MUC4: variants seen among roughly 807,000 people sequenced by gnomAD.
MUC4 encodes mucin-4.
MUC4 carries 202 observed loss-of-function variants against 257.9 expected under a neutral mutation model. That is an observed-to-expected ratio of 0.78 (90% CI 0.70 to 0.88). The LOEUF is 0.88. MUC4 is among the 40% of genes least tolerant of loss of function. The probability of loss-of-function intolerance (pLI) is 0.00; values close to 1 mark genes in which losing one functional copy is unlikely to be tolerated. For synonymous variants in MUC4, 2,351 were observed against 2,757.1 expected (o/e 0.85, Z 4.62); for missense variants, 5,976 against 6,513.7 (o/e 0.92, Z 2.84).
Position 195,774,247 on chromosome 3 carries a change from G to T in MUC4, c.13002C>A (p.Thr4334=), listed in dbSNP as rs150632976. The T allele has an allele frequency of 6.2e-7, 1 of 1,602,652 alleles. No individual in the cohort carries two copies. Among genetic ancestry groups the T allele is most frequent in the Non-Finnish European group, 8.5e-7 (1 of 1,175,364 alleles). The stretch of plus-strand genomic sequence containing the variant: ...TGAAGAGTGGGGAGGTGAAGTCCAC[G>T]GTCCTCCTGACGAACTCCAGGTCCC... ...GAGDLEFVRR[T]VDFTSPLFKP... is the part of the protein sequence containing the mutation. The change falls in exon 4 of 25, where the codon ACC becomes ACA. Residue 4334 remains threonine (T), a synonymous_variant. Transcript: ENST00000463781.
At chr3:195,751,320 G>A (rs2148754536) in intron 21 of MUC4, 49 bp from the exon 22 acceptor site, 5 of 1,400,638 alleles carry the variant, frequency 3.6e-6, no homozygotes, top group Non-Finnish European at 4.0e-6. Flanking sequence ...CCCATCCGGG[G>A]GGGAGACGCC....
At position 195,780,403 on chromosome 3, in the gene MUC4, A is replaced by G. The variant is rs772364446; in HGVS notation, c.11177T>C (p.Val3726Ala). ...TSTSSVSTGHVTPLHVTSPSS... is the reference protein window; with the variant it reads ...TSTSSVSTGHATPLHVTSPSS... ...AGGGCTGGTGACATGAAGAGGGGTG[A>G]CGTGACCTGTAGATACTGAGGAAGT... is the stretch of plus-strand genomic sequence containing the variant. Residue 3726 changes from valine to alanine, a missense_variant, in exon 2 of 25, where the codon GTC becomes GCC. By Grantham distance (64) the Val-to-Ala change is moderately conservative. Coordinates refer to ENST00000463781, the MANE Select transcript of MUC4 (RefSeq NM_018406.7). 4.0e-4 allele frequency: 561 copies of G among 1,408,456 alleles called. 16 individuals are homozygous for G. In the East Asian group the frequency reaches 5.9e-3, roughly 15 times the overall value. 87.2% of individuals were successfully genotyped at this position (1,408,456 alleles called of 1,614,324 possible). A position where few individuals can be genotyped will look rare whatever the true frequency, so the allele number is the denominator to read the frequency against.
intron 24 of MUC4, 61 bp from the exon 25 acceptor site, chr3:195,747,441 C>T (rs1379875975): frequency 2.8e-5 from 44 of 1,548,178 alleles, no homozygotes; most frequent in Admixed American, 2.1e-4. Flanking sequence ...CCAGCCCCTC[C>T]TCTTCTGCTG....
At chr3:195,765,194 GT>G in intron 9 of MUC4, 72 bp from the exon 10 acceptor site, 1 of 1,584,174 alleles carries the variant, frequency 6.3e-7, no homozygotes, top group Non-Finnish European at 8.6e-7. Context: ...AGCAGGGGCT[GT>G]TTCTGGGGAG....
chr3:195,778,863 G>C lies in MUC4; in HGVS notation c.12717C>G (p.Thr4239=), dbSNP rs772743828. 3.1e-6 allele frequency: 5 copies of C among 1,609,812 alleles called. No homozygotes were observed. The highest frequency in any genetic ancestry group is 4.2e-6 in the Non-Finnish European group (5 of 1,178,346). Residue 4239 remains threonine, a synonymous_variant, in exon 2 of 25, where the codon ACC becomes ACG. Transcript: ENST00000463781. ...SLSSVSTGHA[T]PLAVSSATSA... is the part of the protein sequence containing the mutation. ...AGGTAGCACTGCTGACAGCAAGAGG[G>C]GTGGCGTGACCTGTGGATACTGAGG...
At position 195,786,400 on chromosome 3, in the gene MUC4, G is replaced by C. The variant is rs539596895; in HGVS notation, c.5180C>G (p.Thr1727Arg). The C allele has an allele frequency of 1.3e-6, 2 of 1,532,722 alleles. No individual in the cohort carries two copies. Among genetic ancestry groups the C allele is most frequent in the Non-Finnish European group, 1.8e-6 (2 of 1,135,932 alleles). The allele number at this position is 1,532,722 out of a possible 1,614,324, so 94.9% of individuals were successfully genotyped here. Residue 1727 changes from threonine to arginine, a missense_variant, in exon 2 of 25, where the codon ACG becomes AGG. Around this residue, in one of 44 missense-constraint regions of MUC4, gnomAD observed 138 missense variants for 107.8 expected, o/e 1.28. Transcript: ENST00000463781. ...GGAAGGGCTAGTGACAGGAAGAGGCGTGGTGTCACCTGTGGATACTGAGGA... is the reference window on the plus strand; with the variant it reads ...GGAAGGGCTAGTGACAGGAAGAGGCCTGGTGTCACCTGTGGATACTGAGGA... The part of the protein sequence containing the change: ...SLSSVSTGDT[T>R]PLPVTSPSSA...
rs1025164937 is a variant in MUC4 at position 195,789,380 on chromosome 3, T to G, written c.2200A>C (p.Lys734Gln). 5 of 1,613,882 alleles carry G rather than the reference T, an allele frequency of 3.1e-6. No individual in the cohort carries two copies. The highest frequency in any genetic ancestry group is 4.2e-6 in the Non-Finnish European group (5 of 1,179,876). Reference protein sequence around the residue: ...LGPSGGTSLSKTGALTLANSV... With the variant: ...LGPSGGTSLSQTGALTLANSV... ...TTGGCCAGAGTAAGGGCACCTGTTTTGGAAAGTGACGTGCCTCCTGAGGGC... is the reference window on the plus strand; with the variant it reads ...TTGGCCAGAGTAAGGGCACCTGTTTGGGAAAGTGACGTGCCTCCTGAGGGC... Residue 734 changes from lysine (K) to glutamine (Q), a missense_variant, in exon 2 of 25, where the codon AAA becomes CAA. Lys to Gln is a moderately conservative substitution (Grantham distance 53). Coordinates refer to ENST00000463781, the MANE Select transcript of MUC4 (RefSeq NM_018406.7).
rs113184155 is a variant in MUC4 at position 195,759,712 on chromosome 3, G to C, written c.14849-451C>G. ...AGGCCGGTGGATAACCTGAGGTCAG[G>C]AGTTCGCGACCAGCCTGACCAACAT... On this transcript the variant is annotated intron_variant, in intron 16 of 24. Coordinates refer to ENST00000463781, the MANE Select transcript of MUC4 (RefSeq NM_018406.7). Among the ~76,000 whole-genome samples the C allele has an allele frequency of 9.3e-3, 1,413 of 152,264 alleles. 32 individuals are homozygous for C. The highest frequency in any genetic ancestry group is 0.033 in the African/African-American group (1,357 of 41,538).
Position 195,757,344 on chromosome 3 carries a change from T to A in MUC4, c.14987-16A>T, listed in dbSNP as rs1226578462. On this transcript the variant is annotated splice_polypyrimidine_tract_variant and intron_variant, in intron 17 of 24. Transcript: ENST00000463781. This position sits in a 1 kb window ranked among gnomAD's most constrained non-coding sequence, Gnocchi z 4.8. ...GTCCCATTCTCTGCCCCGGGGAAGA[T>A]GAGAATGTTGAGAGCTGGGAGACTC... 4 of 1,579,648 alleles carry A rather than the reference T, an allele frequency of 2.5e-6. No individual in the cohort carries two copies. Among genetic ancestry groups the A allele is most frequent in the East Asian group, 2.3e-5 (1 of 44,062 alleles).
Position 195,755,258 on chromosome 3 carries a change from C to T in MUC4, c.15169-886G>A, listed in dbSNP as rs906253586. On this transcript the variant is annotated intron_variant, in intron 18 of 24. Coordinates refer to ENST00000463781, the MANE Select transcript of MUC4 (RefSeq NM_018406.7). This position sits in a 1 kb window ranked among gnomAD's most constrained non-coding sequence, Gnocchi z 5.0. ...TTTCCCACGCTGCAGTGCAGTGTCT[C>T]GATCTCGGCTCACTGCAATGTCCCC... Among the ~76,000 whole-genome samples, 1 of 151,422 alleles carries T rather than the reference C, an allele frequency of 6.6e-6. No homozygotes were observed. Among genetic ancestry groups the T allele is most frequent in the African/African-American group, 2.4e-5 (1 of 41,090 alleles).
intron 3 of MUC4, 147 bp from the exon 4 acceptor site, chr3:195,774,452 T>C: frequency 2.2e-6 from 2 of 913,302 alleles, no homozygotes; most frequent in Non-Finnish European, 3.0e-6. Flanking sequence ...AGGGTGCTTC[T>C]CGCTCCCTCT....
chr3:195,770,392 A>C, intron 5 of MUC4, 21 bp from the exon 6 acceptor site: 1 of 1,612,832 alleles, frequency 6.2e-7, no homozygotes, highest in South Asian at 1.1e-5. Flanking sequence ...AGGGCAGATG[A>C]AAACAAGCCA....
rs2149037800 is a variant in MUC4 at position 195,789,441 on chromosome 3, C to T, written c.2139G>A (p.Leu713=). ...CATCATGGCTGCTGGGTGCTGCCTG[C>T]AGTGCTGTGGTCGGGGCCTGGGTTG... ...GHTTQAPTTA[L]QAAPSSHDAT... is the part of the protein sequence containing the mutation. Residue 713 remains leucine, a synonymous_variant, in exon 2 of 25, where the codon CTG becomes CTA. Transcript: ENST00000463781. 1 of 1,613,936 alleles carries T rather than the reference C, an allele frequency of 6.2e-7. No homozygotes were observed. The highest frequency in any genetic ancestry group is 2.2e-5 in the East Asian group (1 of 44,874).
chr3:195,789,715 T>G lies in MUC4; in HGVS notation c.1865A>C (p.His622Pro), dbSNP rs1414365804. The change falls in exon 2 of 25, where the codon CAT becomes CCT. Residue 622 changes from histidine (H) to proline (P), a missense_variant. His to Pro is a moderately conservative substitution (Grantham distance 77). Transcript: ENST00000463781. ...TTCCTGAGGAGAGGTGCTTGTGGAA[T>G]GTATTGTTGAATGATTTGTTGATGG... is the stretch of plus-strand genomic sequence containing the variant. Reference protein sequence around the residue: ...TAPSTNHSTIHSTSTSPQESP... With the variant: ...TAPSTNHSTIPSTSTSPQESP... 1 of 1,613,954 alleles carries G rather than the reference T, an allele frequency of 6.2e-7. No individual in the cohort carries two copies. The highest frequency in any genetic ancestry group is 1.1e-5 in the South Asian group (1 of 91,074).
Position 195,790,693 on chromosome 3 carries a change from G to C in MUC4, c.887C>G (p.Ala296Gly), listed in dbSNP as rs774781105. The change falls in exon 2 of 25, where the codon GCC becomes GGC. Residue 296 changes from alanine to glycine, a missense_variant. Physicochemically the swap from Ala to Gly is moderately conservative, Grantham distance 60. Coordinates refer to ENST00000463781, the MANE Select transcript of MUC4 (RefSeq NM_018406.7). Reference protein sequence around the residue: ...TGSLMPVTSAALVTFDPEGQS... With the variant: ...TGSLMPVTSAGLVTFDPEGQS... ...TCCTTCTGGATCAAATGTTACTAAG[G>C]CTGCTGAGGTGACTGGCATAAGACT... 3.1e-6 allele frequency: 5 copies of C among 1,613,960 alleles called. No individual in the cohort carries two copies. The South Asian group carries it at 5.5e-5, about 18-fold the overall frequency.
In MUC4 at chr3:195,757,236, G is replaced by C. The variant is rs576334017; in HGVS notation, c.15079C>G (p.Leu5027Val). 6.2e-7 allele frequency: 1 copy of C among 1,613,642 alleles called. No homozygotes were observed. Among genetic ancestry groups the C allele is most frequent in the African/African-American group, 1.3e-5 (1 of 74,940 alleles). The change falls in exon 18 of 25, where the codon CTC becomes GTC. Residue 5027 changes from leucine to valine, a missense_variant. By Grantham distance (32) the Leu-to-Val change is conservative. Coordinates refer to ENST00000463781, the MANE Select transcript of MUC4 (RefSeq NM_018406.7). The surrounding 1 kb of genome is among the most constrained non-coding windows in gnomAD (Gnocchi z 4.8). ...TGGCAGACCACAGTCCTGGGCTGGAGTGCAGATGCCAAGCCAATCTTGGCA... is the reference window on the plus strand; with the variant it reads ...TGGCAGACCACAGTCCTGGGCTGGACTGCAGATGCCAAGCCAATCTTGGCA... The part of the protein sequence containing the change: ...RSAKIGLASA[L>V]QPRTVVCHCN...
Position 195,778,829 on chromosome 3 carries a change from T to A in MUC4, c.12751A>T (p.Thr4251Ser). 6.2e-7 allele frequency: 1 copy of A among 1,612,288 alleles called. No individual in the cohort carries two copies. The stretch of plus-strand genomic sequence containing the variant: ...TTCAGAGGGGAGTCCGAGGATACTG[T>A]GGAAGCTGAGGTAGCACTGCTGACA... ...LAVSSATSAS[T>S]VSSDSPLKME... Residue 4251 changes from threonine to serine, a missense_variant, in exon 2 of 25, where the codon ACA (threonine) becomes TCA (serine). By Grantham distance (58) the Thr-to-Ser change is moderately conservative. Coordinates refer to ENST00000463781, the MANE Select transcript of MUC4 (RefSeq NM_018406.7).
Position 195,747,177 on chromosome 3 carries a change from C to CA in MUC4, c.16237dup (p.Ter5413LeufsTer35). The CA allele has an allele frequency of 3.7e-5, 59 of 1,614,246 alleles. No homozygotes were observed. Among genetic ancestry groups the CA allele is most frequent in the Non-Finnish European group, 5.0e-5 (59 of 1,180,040 alleles). On this transcript the variant is annotated frameshift_variant and stop_lost, in exon 25 of 25. Coordinates refer to ENST00000463781, the MANE Select transcript of MUC4 (RefSeq NM_018406.7). LOFTEE classifies it high-confidence loss of function. ...GTAGCCTAGGCCACAGCTGCCCCTT[C>CA]AAGGCAAGGCCTCAGCTGAGTTCAG...
chr3:195,750,761 G>A (rs563090843), intron 23 of MUC4, 128 bp downstream of exon 23: 26 of 878,278 alleles, frequency 3.0e-5, no homozygotes, highest in South Asian at 2.7e-4. Context: ...TGGACAAAAT[G>A]TTCACGTTTT....
Sources: gnomAD v4.1 joint callset for allele counts (sites outside exome capture counted in the v4.1 genomes callset) on GRCh38, gnomAD v4.1.1 for gene constraint, gnomAD v4.1.1 regional missense constraint, Gnocchi (gnomAD v3.1) non-coding constraint, MANE v1.5 for transcripts, NCBI Gene and HGNC (gene_info 2026-07-23, HGNC 2026-07-21) for gene names.